PNKD: variants seen among roughly 807,000 people sequenced by gnomAD.
The protein encoded by PNKD is PNKD metallo-beta-lactamase domain containing.
In PNKD, 36 loss-of-function variants were observed where a neutral mutation model predicts 45.3. The ratio of observed to expected loss-of-function variants is 0.80; its 90% CI spans 0.61 to 1.05. The LOEUF (loss-of-function observed/expected upper bound fraction) is 1.05, where lower values mean the gene tolerates loss of function less well. PNKD is among the 50% of genes least tolerant of loss of function. The pLI is 0.00. For synonymous variants in PNKD, 197 were observed against 210.1 expected (o/e 0.94, Z 0.54); for missense variants, 511 against 506.6 (o/e 1.01, Z -0.08).
intron 2 of PNKD, among the ~76,000 whole-genome samples, chr2:218,310,991 C>A (rs528792559): frequency 6.6e-6 from 1 of 152,204 alleles, no homozygotes; most frequent in Admixed American, 6.5e-5. Flanking sequence ...AGGTTTGTGG[C>A]CTAGGAGAAA....
chr2:218,276,822 A>G (rs1691261722), intron 2 of PNKD, among the ~76,000 whole-genome samples: 1 of 152,062 alleles, frequency 6.6e-6, no homozygotes, highest in South Asian at 2.1e-4. Context: ...CCATCTCCAC[A>G]CAGAGAGTCT....
intron 2 of PNKD, among the ~76,000 whole-genome samples, chr2:218,304,070 TC>T (rs747384797): frequency 3.3e-5 from 5 of 152,080 alleles, no homozygotes; most frequent in Non-Finnish European, 7.4e-5. Context: ...TCCTTCTCCC[TC>T]CCTCAAGGCT....
intron 2 of PNKD, among the ~76,000 whole-genome samples, chr2:218,330,583 C>T (rs763024465): frequency 2.0e-5 from 3 of 152,198 alleles, no homozygotes; most frequent in Non-Finnish European, 2.9e-5. Flanking sequence ...TGCCACTTGC[C>T]CAGGCTGGCT....
chr2:218,285,381 C>T (rs1305198912), intron 2 of PNKD, among the ~76,000 whole-genome samples: 1 of 152,222 alleles, frequency 6.6e-6, no homozygotes, highest in Non-Finnish European at 1.5e-5. Flanking sequence ...CCAACCTTCT[C>T]ATCACTTCTG....
At position 218,271,417 on chromosome 2, in the gene PNKD, A is replaced by G. The variant is rs895214462; in HGVS notation, c.104A>G (p.His35Arg). The change falls in exon 2 of 10, where the codon CAT (histidine) becomes CGT (arginine). Residue 35 changes from histidine to arginine, a missense_variant. Physicochemically the swap from His to Arg is conservative, Grantham distance 29. Transcript: ENST00000273077. ...GGAGCCACAGCTAACAAGGCTTCTC[A>G]TAACAGGACCCGGGCCCTGCAAAGC... ...LAGATANKAS[H>R]NRTRALQSHS... 4.3e-6 allele frequency: 7 copies of G among 1,613,992 alleles called. No individual in the cohort carries two copies. The highest frequency in any genetic ancestry group is 1.3e-5 in the African/African-American group (1 of 74,916).
chr2:218,310,264 C>T (rs1376492868), intron 2 of PNKD, among the ~76,000 whole-genome samples: 1 of 152,102 alleles, frequency 6.6e-6, no homozygotes, highest in Non-Finnish European at 1.5e-5. Context: ...ACTCTGTCAC[C>T]CAAGCTGGAG....
At chr2:218,270,715 C>G (rs1690796903) in intron 1 of PNKD, 113 bp downstream of exon 1, 2 of 425,724 alleles carry the variant, frequency 4.7e-6, no homozygotes, top group East Asian at 3.6e-5. Flanking sequence ...CACTTTTCTG[C>G]AAGATCTTAG....
chr2:218,276,420 G>T (rs2106188759), intron 2 of PNKD, among the ~76,000 whole-genome samples: 1 of 152,298 alleles, frequency 6.6e-6, no homozygotes, highest in Non-Finnish European at 1.5e-5. Context: ...AGCCCAGCCT[G>T]GGAGGGGTAG....
intron 2 of PNKD, among the ~76,000 whole-genome samples, chr2:218,287,770 C>G (rs1333045835): frequency 6.6e-6 from 1 of 152,132 alleles, no homozygotes; most frequent in Non-Finnish European, 1.5e-5. Context: ...CCCCTCCCAG[C>G]CCCCTCTCTA....
In PNKD at chr2:218,271,564, C is replaced by T. The variant is rs1267388404; in HGVS notation, c.236+15C>T. ...GGACTGGCCTGGTGAGTTTTAACCA[C>T]CCCTTTGCCCACCAACGGGGCGTGG... is the stretch of plus-strand genomic sequence containing the variant. On this transcript the variant is annotated intron_variant, in intron 2 of 9. Transcript: ENST00000273077. 2 of 1,610,808 alleles carry T rather than the reference C, an allele frequency of 1.2e-6. No homozygotes were observed. Among genetic ancestry groups the T allele is most frequent in the Admixed American group, 3.3e-5 (2 of 59,862 alleles).
At chr2:218,323,479 T>A (rs759197557) in intron 2 of PNKD, 16 of 995,964 alleles carry the variant, frequency 1.6e-5, no homozygotes, top group Non-Finnish European at 1.9e-5. Flanking sequence ...GCGGGCGCGC[T>A]GGGAGAGGGG....
intron 2 of PNKD, among the ~76,000 whole-genome samples, chr2:218,278,882 G>A (rs200585480): frequency 6.6e-6 from 1 of 152,160 alleles, no homozygotes; most frequent in Non-Finnish European, 1.5e-5. Context: ...ACTCATCTGG[G>A]CACGCACACC....
intron 2 of PNKD, chr2:218,272,947 A>G (rs1181510211): frequency 1.7e-5 from 25 of 1,458,636 alleles, no homozygotes; most frequent in Non-Finnish European, 2.3e-5. Flanking sequence ...GTAGAAAGGA[A>G]CCAGGTCTGG....
chr2:218,334,567 C>T (rs1037363974), intron 2 of PNKD: 20 of 590,292 alleles, frequency 3.4e-5, no homozygotes, highest in Admixed American at 1.5e-4. Flanking sequence ...GCGGGAGGAT[C>T]GCTTGAGCCC....
chr2:218,325,921 C>T (rs1694140181), intron 2 of PNKD, among the ~76,000 whole-genome samples: 1 of 152,124 alleles, frequency 6.6e-6, no homozygotes, highest in South Asian at 2.1e-4. Flanking sequence ...AGACCCTGCT[C>T]CTCATAGTCT....
chr2:218,315,304 G>A (rs976921538), intron 2 of PNKD, among the ~76,000 whole-genome samples: 1 of 151,692 alleles, frequency 6.6e-6, no homozygotes, highest in African/African-American at 2.4e-5. Context: ...ACCACGCCCA[G>A]CTAATTTTTG....
intron 2 of PNKD, chr2:218,273,086 T>C: frequency 1.9e-6 from 1 of 527,686 alleles, no homozygotes; most frequent in South Asian, 2.2e-5. Context: ...GCAACCAGCC[T>C]AGGCCCCGGG....
At chr2:218,271,617 C>A (rs1371073965) in intron 2 of PNKD, 68 bp downstream of exon 2, 19 of 1,418,386 alleles carry the variant, frequency 1.3e-5, no homozygotes, top group East Asian at 6.9e-5. Context: ...GACTTAGAAA[C>A]TTCTCCAAGT....
intron 2 of PNKD, among the ~76,000 whole-genome samples, chr2:218,328,950 G>A (rs559282939): frequency 6.6e-6 from 1 of 152,220 alleles, no homozygotes; most frequent in East Asian, 1.9e-4. Flanking sequence ...GCTCACACCT[G>A]TAATCCCAGC....
Sources: allele counts gnomAD v4.1 joint callset (sites outside exome capture counted in the v4.1 genomes callset), GRCh38; gene constraint gnomAD v4.1.1; transcripts MANE v1.5; gene names NCBI Gene and HGNC (gene_info 2026-07-23, HGNC 2026-07-21).